AGBL1: variants seen among roughly 807,000 people sequenced by gnomAD.
The protein encoded by AGBL1 is AGBL carboxypeptidase 1, also known as cytosolic carboxypeptidase 4.
A neutral mutation model predicts 118.9 loss-of-function variants in AGBL1; 130 were observed. That is an observed-to-expected ratio of 1.09 (90% CI 0.95 to 1.26). The LOEUF is 1.26. AGBL1 is among the 50% of genes most tolerant of loss of function. AGBL1 has a pLI of 0.00. For missense variants in AGBL1, 1,584 were observed against 1,298.1 expected (o/e 1.22, Z -3.38); for synonymous variants, 555 against 478.9 (o/e 1.16, Z -2.08).
chr15:86,544,526 G>C (rs1437773703), intron 19 of AGBL1, among the ~76,000 whole-genome samples: 2 of 152,230 alleles, frequency 1.3e-5, no homozygotes, highest in Non-Finnish European at 2.9e-5. Flanking sequence ...CATGGCTGGG[G>C]AGGCCTCACG....
intron 21 of AGBL1, among the ~76,000 whole-genome samples, chr15:86,629,303 A>G (rs1393163662): frequency 6.6e-6 from 1 of 152,200 alleles, no homozygotes; most frequent in African/African-American, 2.4e-5. Context: ...AGAAATGCCA[A>G]GATGCATGGC....
At chr15:86,599,277 A>G (rs1392833249) in intron 21 of AGBL1, among the ~76,000 whole-genome samples, 1 of 152,050 alleles carries the variant, frequency 6.6e-6, no homozygotes, top group African/African-American at 2.4e-5. Context: ...TTCCCCTAAA[A>G]ATTTGTTGTA....
downstream of AGBL1, among the ~76,000 whole-genome samples, chr15:86,918,544 T>TAA (rs66578121): frequency 2.5e-4 from 37 of 147,466 alleles, no homozygotes; most frequent in South Asian, 1.1e-3. Context: ...TCTCAAAAAA[T>TAA]AAAAAAAAAA....
Position 86,944,920 on chromosome 15 carries a change from G to A in AGBL1, c.3222-43067G>A, listed in dbSNP as rs543067892. Among the ~76,000 whole-genome samples, 3 of 152,258 alleles carry A rather than the reference G, an allele frequency of 2.0e-5. No individual in the cohort carries two copies. The South Asian group carries it at 6.2e-4, about 32-fold the overall frequency. On this transcript the variant is annotated intron_variant, in intron 23 of 24. Transcript: ENST00000441037. ...TCTAAATACTTACAGTAGGACAACG[G>A]CTGTAAACTGGCTCTTTCCTGAGCA...
At chr15:86,282,221 G>A (rs879834893) in intron 16 of AGBL1, among the ~76,000 whole-genome samples, 1 of 152,028 alleles carries the variant, frequency 6.6e-6, no homozygotes, top group Admixed American at 6.5e-5. Flanking sequence ...ATGTTAAAGG[G>A]AAACAAAACA....
intron 17 of AGBL1, among the ~76,000 whole-genome samples, chr15:86,396,217 G>GTA (rs1351085742): frequency 7.7e-6 from 1 of 129,608 alleles, no homozygotes; most frequent in African/African-American, 3.2e-5. Flanking sequence ...ACGTGTGTGT[G>GTA]TATATATATG....
chr15:86,216,355 G>A (rs1212223849), intron 5 of AGBL1, among the ~76,000 whole-genome samples: 1 of 152,102 alleles, frequency 6.6e-6, no homozygotes, highest in South Asian at 2.1e-4. Flanking sequence ...TAGGGGAAAA[G>A]CATTCAATCT....
At chr15:86,864,956 C>G (rs2079605093) in intron 22 of AGBL1, among the ~76,000 whole-genome samples, 1 of 152,140 alleles carries the variant, frequency 6.6e-6, no homozygotes, top group Non-Finnish European at 1.5e-5. Flanking sequence ...AATAAAAAAT[C>G]ATTACGTTTG....
chr15:86,799,189 T>C (rs1315176119), intron 22 of AGBL1, among the ~76,000 whole-genome samples: 1 of 151,876 alleles, frequency 6.6e-6, no homozygotes, highest in South Asian at 2.1e-4. Context: ...TATTTTATTA[T>C]TATTATACTT....
intron 21 of AGBL1, among the ~76,000 whole-genome samples, chr15:86,571,195 A>G (rs1398186622): frequency 6.6e-6 from 1 of 152,136 alleles, no homozygotes; most frequent in Non-Finnish European, 1.5e-5. Flanking sequence ...TCCCTGGCCC[A>G]GGGAGCTCCC....
intron 22 of AGBL1, among the ~76,000 whole-genome samples, chr15:86,712,997 C>T (rs1224029289): frequency 6.6e-6 from 1 of 152,166 alleles, no homozygotes; most frequent in African/African-American, 2.4e-5. Context: ...GCACTACAAC[C>T]CATCCCACAG....
intron 21 of AGBL1, among the ~76,000 whole-genome samples, chr15:86,582,850 G>A (rs1035955541): frequency 9.5e-5 from 14 of 147,140 alleles, no homozygotes; most frequent in South Asian, 4.6e-4. Flanking sequence ...ATCACACACC[G>A]GAGACTGTTG....
intron 22 of AGBL1, among the ~76,000 whole-genome samples, chr15:86,863,309 A>G (rs988390928): frequency 4.6e-5 from 7 of 152,210 alleles, no homozygotes; most frequent in African/African-American, 1.4e-4. Context: ...AAGGAACTGC[A>G]TATTTCCTCA....
chr15:86,444,073 A>C (rs529989558), intron 18 of AGBL1, among the ~76,000 whole-genome samples: 1 of 152,322 alleles, frequency 6.6e-6, no homozygotes, highest in East Asian at 1.9e-4. Context: ...TCCCACCAAC[A>C]GTGTACCAGC....
In AGBL1 at chr15:86,470,636, T is replaced by A. The variant is rs546969802; in HGVS notation, c.2556-52174T>A. 7.2e-5 allele frequency among the ~76,000 whole-genome samples: 11 copies of A among 152,270 alleles called. 1 individual carries two copies. Among genetic ancestry groups the A allele is most frequent in the African/African-American group, 2.6e-4 (11 of 41,572 alleles). ...TTGTAGATCACTTGTAGCATGGACA[T>A]TTTAGCAATATTAACTTTTTCAATT... On this transcript the variant is annotated intron_variant, in intron 18 of 22. Coordinates refer to ENST00000614907, the MANE Select transcript of AGBL1 (RefSeq NM_001386094.1).
chr15:86,762,070 G>C (rs1401202791), intron 22 of AGBL1, among the ~76,000 whole-genome samples: 1 of 152,038 alleles, frequency 6.6e-6, no homozygotes, highest in Non-Finnish European at 1.5e-5. Flanking sequence ...CATTTGCAGG[G>C]ACATGGATGA....
chr15:86,714,775 T>G (rs1339312870), intron 22 of AGBL1, among the ~76,000 whole-genome samples: 1 of 151,964 alleles, frequency 6.6e-6, no homozygotes, highest in African/African-American at 2.4e-5. Flanking sequence ...GCTTCCCCAT[T>G]CTACCACGAT....
chr15:87,006,507 TCTC>T (rs901872931), intron 24 of AGBL1, among the ~76,000 whole-genome samples: 12 of 152,286 alleles, frequency 7.9e-5, no homozygotes, highest in African/African-American at 2.9e-4. Flanking sequence ...CGGGGTATAA[TCTC>T]CTGGTGTGCT....
chr15:86,239,785 C>T (rs563454419), intron 6 of AGBL1, among the ~76,000 whole-genome samples: 11 of 152,178 alleles, frequency 7.2e-5, no homozygotes, highest in Non-Finnish European at 1.2e-4. Flanking sequence ...CTCCATTAGC[C>T]TTTCAGAAAT....
Sources: gnomAD v4.1 joint callset for allele counts (sites outside exome capture counted in the v4.1 genomes callset) on GRCh38, gnomAD v4.1.1 for gene constraint, MANE v1.5 for transcripts, NCBI Gene and HGNC (gene_info 2026-07-23, HGNC 2026-07-21) for gene names.